PTPRD: variants seen among roughly 807,000 people sequenced by gnomAD.
PTPRD encodes the protein protein tyrosine phosphatase receptor type D.
A neutral mutation model predicts 214.5 loss-of-function variants in PTPRD; 34 were observed. The observed-to-expected ratio is 0.16, with a 90% CI of 0.12 to 0.21. The LOEUF (loss-of-function observed/expected upper bound fraction) is 0.21. PTPRD is among the 10% of genes least tolerant of loss of function. The probability of loss-of-function intolerance (pLI) is 1.00; values close to 1 mark genes in which losing one functional copy is unlikely to be tolerated. For missense variants in PTPRD, 2,545 were observed against 2,398.7 expected (o/e 1.06, Z -1.27); for synonymous variants, 1,128 against 845.7 (o/e 1.33, Z -5.79).
intron 7 of PTPRD, among the ~76,000 whole-genome samples, chr9:9,610,727 G>C (rs2094468380): frequency 6.6e-6 from 1 of 152,040 alleles, no homozygotes. Context: ...TTATTGTTCT[G>C]ATTACCTTTT....
chr9:8,486,555 T>C (rs1053701519), intron 27 of PTPRD: 27 of 695,534 alleles, frequency 3.9e-5, no homozygotes, highest in Non-Finnish European at 6.3e-5. Flanking sequence ...ATACTAGAAT[T>C]TGATAATGGA....
At chr9:10,007,675 C>T (rs911927259) in intron 4 of PTPRD, among the ~76,000 whole-genome samples, 9 of 151,872 alleles carry the variant, frequency 5.9e-5, no homozygotes, top group African/African-American at 2.2e-4. Flanking sequence ...TGTTCATAAG[C>T]CACCTACAAC....
At chr9:8,682,571 C>T (rs1405973890) in intron 12 of PTPRD, among the ~76,000 whole-genome samples, 1 of 152,016 alleles carries the variant, frequency 6.6e-6, no homozygotes, top group African/African-American at 2.4e-5. Context: ...AATTAACACC[C>T]TTTTTTCCCT....
chr9:9,768,568 G>T (rs2098725142), intron 5 of PTPRD, among the ~76,000 whole-genome samples: 1 of 151,918 alleles, frequency 6.6e-6, no homozygotes, highest in Admixed American at 6.6e-5. Context: ...AAGTAAAAAT[G>T]GCAGTACTTT....
At chr9:9,010,284 CAA>C (rs2099504129) in intron 11 of PTPRD, among the ~76,000 whole-genome samples, 1 of 152,136 alleles carries the variant, frequency 6.6e-6, no homozygotes, top group Admixed American at 6.6e-5. Flanking sequence ...AGACTATGAA[CAA>C]AAGTTAGAAT....
At position 10,163,243 on chromosome 9, in the gene PTPRD, A is replaced by G. The variant is rs187706703; in HGVS notation, c.-544-129453T>C. ...AAATTTCTCATGGAGGCCAGTTTTT[A>G]CTTTTTGCTATCTTTTTCCTGGACC... On this transcript the variant is annotated intron_variant, in intron 3 of 45. Transcript: ENST00000381196. Among the ~76,000 whole-genome samples, 119 of 149,788 alleles carry G rather than the reference A, an allele frequency of 7.9e-4. No individual in the cohort carries two copies. In the East Asian group the frequency reaches 0.022, roughly 28 times the overall value.
intron 2 of PTPRD, among the ~76,000 whole-genome samples, chr9:10,544,275 T>C (rs145883447): frequency 1.5e-3 from 226 of 152,220 alleles, no homozygotes; most frequent in African/African-American, 4.9e-3. Context: ...AGGGACAAAG[T>C]TTCATAAGAT....
rs956040049 is a variant in PTPRD at position 9,559,174 on chromosome 9, T to C, written c.-237+15558A>G. ...ACTAACTGCTTCCCAGTCTGGGGCG[T>C]GGTTACCCATCAACACACCCATCCC... On this transcript the variant is annotated intron_variant, in intron 8 of 45. Coordinates refer to ENST00000381196, the MANE Select transcript of PTPRD (RefSeq NM_002839.4). 1.2e-4 allele frequency among the ~76,000 whole-genome samples: 18 copies of C among 152,132 alleles called. 1 individual carries two copies. Among genetic ancestry groups the C allele is most frequent in the Admixed American group, 3.9e-4 (6 of 15,272 alleles).
At chr9:8,777,952 T>C (rs1427989038) in intron 11 of PTPRD, among the ~76,000 whole-genome samples, 1 of 152,216 alleles carries the variant, frequency 6.6e-6, no homozygotes, top group Non-Finnish European at 1.5e-5. Context: ...GAGGTATTTA[T>C]TAACCAATCC....
chr9:8,523,216 G>A (rs2097924921), intron 19 of PTPRD, among the ~76,000 whole-genome samples: 1 of 152,128 alleles, frequency 6.6e-6, no homozygotes, highest in African/African-American at 2.4e-5. Context: ...TAAAGGCAGG[G>A]TGGGAGATGG....
At chr9:10,317,884 G>T (rs1033740889) in intron 3 of PTPRD, among the ~76,000 whole-genome samples, 3 of 151,854 alleles carry the variant, frequency 2.0e-5, no homozygotes, top group Non-Finnish European at 4.4e-5. Context: ...TTTAATACTT[G>T]ATAGTTAAGG....
chr9:9,863,488 G>A (rs762658242), intron 5 of PTPRD, among the ~76,000 whole-genome samples: 4 of 152,110 alleles, frequency 2.6e-5, no homozygotes, highest in Non-Finnish European at 5.9e-5. Flanking sequence ...CCATTGTGTA[G>A]CAACTAAACA....
intron 10 of PTPRD, among the ~76,000 whole-genome samples, chr9:9,123,339 T>C (rs866594278): frequency 3.2e-4 from 48 of 152,308 alleles, no homozygotes; most frequent in African/African-American, 1.1e-3. Context: ...GCAAGCTGTG[T>C]GTGTCCTTTC....
At chr9:10,061,050 T>C (rs991880954) in intron 3 of PTPRD, among the ~76,000 whole-genome samples, 4 of 151,394 alleles carry the variant, frequency 2.6e-5, no homozygotes, top group Middle Eastern at 3.4e-3. Context: ...TCTCAGAACA[T>C]GAGAATACAA....
intron 9 of PTPRD, among the ~76,000 whole-genome samples, chr9:9,312,814 C>T (rs1959717781): frequency 6.6e-6 from 1 of 152,124 alleles, no homozygotes; most frequent in African/African-American, 2.4e-5. Flanking sequence ...AAATGCATAA[C>T]AATAAACAAT....
At chr9:9,926,762 G>C (rs1041709346) in intron 5 of PTPRD, among the ~76,000 whole-genome samples, 1 of 152,150 alleles carries the variant, frequency 6.6e-6, no homozygotes, top group Non-Finnish European at 1.5e-5. Context: ...CAAGTGTTTT[G>C]AGAAATCAAA....
chr9:10,351,384 C>T (rs2097179810), intron 2 of PTPRD, among the ~76,000 whole-genome samples: 1 of 151,984 alleles, frequency 6.6e-6, no homozygotes, highest in Non-Finnish European at 1.5e-5. Flanking sequence ...CTTTTACTGC[C>T]CAATTACACT....
chr9:8,589,948 A>C (rs1427625465), intron 14 of PTPRD, among the ~76,000 whole-genome samples: 1 of 152,174 alleles, frequency 6.6e-6, no homozygotes. Context: ...GCTGGAAATA[A>C]CAGAAATTGC....
At chr9:9,025,937 A>G (rs941088904) in intron 10 of PTPRD, among the ~76,000 whole-genome samples, 2 of 152,046 alleles carry the variant, frequency 1.3e-5, no homozygotes, top group Non-Finnish European at 2.9e-5. Flanking sequence ...ACTAGAAATT[A>G]TAGTCCGCTC....
Sources: gnomAD v4.1 joint callset for allele counts (sites outside exome capture counted in the v4.1 genomes callset) on GRCh38, gnomAD v4.1.1 for gene constraint, MANE v1.5 for transcripts, NCBI Gene and HGNC (gene_info 2026-07-23, HGNC 2026-07-21) for gene names.